TMPRSS9: variants seen among roughly 807,000 people sequenced by gnomAD.
TMPRSS9 encodes transmembrane protease serine 9.
A neutral mutation model predicts 111.4 loss-of-function variants in TMPRSS9; 113 were observed. The ratio of observed to expected loss-of-function variants is 1.01; its 90% CI spans 0.87 to 1.19. The LOEUF is 1.19. Among genes scored for constraint, TMPRSS9 ranks in the 50% most tolerant of loss-of-function variants. The probability of loss-of-function intolerance (pLI) is 0.00; values close to 1 mark genes in which losing one functional copy is unlikely to be tolerated. For missense variants in TMPRSS9, 1,803 were observed against 1,513.1 expected, an observed-to-expected ratio of 1.19 and a Z score of -3.18; for synonymous variants, 805 against 659.1, an observed-to-expected ratio of 1.22 and a Z score of -3.39.
intron 14 of TMPRSS9, 45 bp downstream of exon 15, chr19:2,422,292 G>A (rs1971485329): frequency 6.7e-7 from 1 of 1,487,188 alleles, no homozygotes; most frequent in African/African-American, 1.4e-5. Flanking sequence ...AGGGTCCCAT[G>A]TTAATCAGCC....
intron 9 of TMPRSS9, 129 bp downstream of exon 10, chr19:2,410,523 C>T: frequency 1.5e-6 from 2 of 1,292,212 alleles, no homozygotes; most frequent in Non-Finnish European, 2.1e-6. Flanking sequence ...CAGAAAAACA[C>T]AGACACGAGC....
intron 15 of TMPRSS9, among the ~76,000 whole-genome samples, chr19:2,424,755 G>T (rs748659439): frequency 1.3e-5 from 2 of 152,138 alleles, no homozygotes; most frequent in Admixed American, 6.5e-5. Flanking sequence ...AGGGCAGGCG[G>T]GGGGCGGGAC....
At chr19:2,412,396 G>A (rs57474549) in intron 9 of TMPRSS9, among the ~76,000 whole-genome samples, 1 of 151,914 alleles carries the variant, frequency 6.6e-6, no homozygotes, top group Non-Finnish European at 1.5e-5. Context: ...AGAGTGAGAC[G>A]CCGTCTCAAA....
chr19:2,389,724 C>T, upstream of TMPRSS9: 3 of 1,553,678 alleles, frequency 1.9e-6, no homozygotes, highest in South Asian at 2.3e-5. Context: ...CCTTCAGCCT[C>T]TGACCCCGTG....
At chr19:2,382,741 G>A (rs944854732) in intron 1 of TMPRSS9, among the ~76,000 whole-genome samples, 5 of 150,494 alleles carry the variant, frequency 3.3e-5, no homozygotes, top group African/African-American at 7.3e-5. Flanking sequence ...ACGCACAAAC[G>A]CACACATCCA....
chr19:2,412,681 G>T (rs546895277), intron 9 of TMPRSS9, among the ~76,000 whole-genome samples: 1 of 152,222 alleles, frequency 6.6e-6, no homozygotes, highest in East Asian at 1.9e-4. Context: ...CCTCTCGTGA[G>T]TCTTCATGGT....
intron 6 of TMPRSS9, among the ~76,000 whole-genome samples, chr19:2,405,070 C>T (rs1026832390): frequency 6.6e-6 from 1 of 151,986 alleles, no homozygotes; most frequent in South Asian, 2.1e-4. Flanking sequence ...GACACAATAT[C>T]CTATACAAAC....
intron 1 of TMPRSS9, among the ~76,000 whole-genome samples, chr19:2,362,169 G>A (rs937861744): frequency 6.6e-6 from 1 of 151,920 alleles, no homozygotes; most frequent in African/African-American, 2.4e-5. Context: ...GTTGTGTGTG[G>A]TCATGTGTCA....
chr19:2,382,290 G>A (rs1403865259), intron 1 of TMPRSS9, among the ~76,000 whole-genome samples: 3 of 134,172 alleles, frequency 2.2e-5, no homozygotes, highest in Non-Finnish European at 4.7e-5. Flanking sequence ...GTGCCACCAT[G>A]CCCGGCTAAT....
Position 2,422,143 on chromosome 19 carries a change from C to T in TMPRSS9, c.2444C>T (p.Thr815Met), listed in dbSNP as rs767778490. The T allele has an allele frequency of 4.3e-5, 69 of 1,591,266 alleles. No homozygotes were observed. The highest frequency in any genetic ancestry group is 1.1e-4 in the East Asian group (5 of 44,548). ...ACCCCTGGGGCTGCCAGCAGGGTGA[C>T]GGGCCAACCTGCCAACTCAACCTTA... The change falls in exon 14 of 18, where the codon ACG becomes ATG. Residue 815 changes from threonine (T) to methionine (M), a missense_variant. Physicochemically the swap from Thr to Met is moderately conservative, Grantham distance 81. Transcript: ENST00000648592.
chr19:2,362,873 G>T (rs911956834), intron 1 of TMPRSS9, among the ~76,000 whole-genome samples: 1 of 148,798 alleles, frequency 6.7e-6, no homozygotes. Context: ...GTGTGAGGTT[G>T]TAATGTGTGG....
exon 12 of TMPRSS9, chr19:2,416,723 C>T: frequency 1.2e-6 from 2 of 1,613,236 alleles, no homozygotes; most frequent in Non-Finnish European, 1.7e-6. Flanking sequence ...TACATCCAGC[C>T]TGTCTGCCTG....
chr19:2,376,003 C>G (rs563786476), intron 1 of TMPRSS9, among the ~76,000 whole-genome samples: 21 of 152,196 alleles, frequency 1.4e-4, no homozygotes, highest in Non-Finnish European at 2.2e-4. Flanking sequence ...CGGCTCTCTC[C>G]GAAGTCAGCA....
At chr19:2,424,021 C>G (rs1375840552) in intron 14 of TMPRSS9, 68 bp from the exon 16 acceptor site, 1 of 1,240,656 alleles carries the variant, frequency 8.1e-7, no homozygotes, top group Non-Finnish European at 1.0e-6. Flanking sequence ...GGAGAGGCGG[C>G]GCCCAGGGGG....
chr19:2,401,959 C>T lies in TMPRSS9; in HGVS notation c.515-16C>T, dbSNP rs772592548. The stretch of plus-strand genomic sequence containing the variant: ...CGCTTATTCAGTGAGCTTCTATCTT[C>T]TCTGTTTTGTTGCAGGGAGACATAA... On this transcript the variant is annotated splice_polypyrimidine_tract_variant and intron_variant, in intron 4 of 17. Coordinates refer to ENST00000648592, the Ensembl canonical transcript of TMPRSS9. The T allele has an allele frequency of 5.0e-6, 8 of 1,603,898 alleles. No homozygotes were observed. Among genetic ancestry groups the T allele is most frequent in the African/African-American group, 1.3e-5 (1 of 74,546 alleles).
exon 16 of TMPRSS9, chr19:2,425,013 C>A: frequency 6.5e-7 from 1 of 1,535,902 alleles, no homozygotes; most frequent in African/African-American, 1.4e-5. Flanking sequence ...TACGGGGACC[C>A]CAAGCAGTGG....
intron 6 of TMPRSS9, among the ~76,000 whole-genome samples, chr19:2,404,065 G>A (rs867013017): frequency 6.6e-6 from 1 of 151,938 alleles, no homozygotes; most frequent in African/African-American, 2.4e-5. Context: ...CTACTCAGGA[G>A]GCTGAGGTGG....
At chr19:2,425,040 C>T (rs1362328456) in exon 16 of TMPRSS9, 1 of 1,554,484 alleles carries the variant, frequency 6.4e-7, no homozygotes, top group Non-Finnish European at 8.6e-7. Flanking sequence ...TTCCTAGGCA[C>T]GCCGTTCCTG....
In TMPRSS9 at chr19:2,410,609, G is replaced by A. The variant is rs186848038; in HGVS notation, c.1254+215G>A. On this transcript the variant is annotated intron_variant, in intron 9 of 17. Coordinates refer to ENST00000648592, the Ensembl canonical transcript of TMPRSS9. Reference sequence around the variant, plus strand: ...AATTTTAAAGCAGTTGGGATTGAGAGGCAGGTGCTGCTTAGAGGATCTTCC... The same window carrying A: ...AATTTTAAAGCAGTTGGGATTGAGAAGCAGGTGCTGCTTAGAGGATCTTCC... Among the ~76,000 whole-genome samples, 31 of 152,244 alleles carry A rather than the reference G, an allele frequency of 2.0e-4. No individual in the cohort carries two copies. The East Asian group carries it at 5.8e-3, about 28-fold the overall frequency.
Sources: gnomAD v4.1 joint callset for allele counts (sites outside exome capture counted in the v4.1 genomes callset) on GRCh38, gnomAD v4.1.1 for gene constraint, MANE v1.5 for transcripts, NCBI Gene and HGNC (gene_info 2026-07-23, HGNC 2026-07-21) for gene names.